Variants in ADAMTS20 observed in about 807,000 individuals in gnomAD.
ADAMTS20 encodes ADAM metallopeptidase with thrombospondin type 1 motif 20.
Under a neutral mutation model 260.1 loss-of-function variants are expected in ADAMTS20, and 225 were observed. The ratio of observed to expected loss-of-function variants is 0.87; its 90% CI spans 0.78 to 0.97. The LOEUF is 0.97. ADAMTS20 is among the 50% of genes least tolerant of loss of function. ADAMTS20 has a pLI of 0.00. For missense variants in ADAMTS20, 2,400 were observed against 2,337.7 expected (o/e 1.03, Z -0.55); for synonymous variants, 802 against 769.5 (o/e 1.04, Z -0.70).
intron 28 of ADAMTS20, among the ~76,000 whole-genome samples, chr12:43,414,983 A>G (rs1418277895): frequency 6.6e-6 from 1 of 152,214 alleles, no homozygotes. Context: ...ATCTATTCAT[A>G]GAAGTCATAC....
At chr12:43,379,262 C>T (rs550579966) in intron 31 of ADAMTS20, among the ~76,000 whole-genome samples, 40 of 152,238 alleles carry the variant, frequency 2.6e-4, no homozygotes, top group Admixed American at 1.4e-3. Context: ...TTTGCAGTTT[C>T]CAGGATGCTG....
rs1211545430 is a variant in ADAMTS20 at position 43,439,654 on chromosome 12, C to T, written c.2561G>A (p.Gly854Glu). 2.5e-6 allele frequency: 4 copies of T among 1,613,248 alleles called. No individual in the cohort carries two copies. In the South Asian group the frequency reaches 3.3e-5, roughly 13 times the overall value. Residue 854 changes from glycine to glutamate, a missense_variant, in exon 18 of 39, where the codon GGA (glycine) becomes GAA (glutamate). Physicochemically the swap from Gly to Glu is moderately conservative, Grantham distance 98. Coordinates refer to ENST00000389420, the MANE Select transcript of ADAMTS20 (RefSeq NM_025003.5). ...RSDMFTWDPY[G>E]PWEGCTKMCQ... The stretch of plus-strand genomic sequence containing the variant: ...CATTTTGGTACAGCCTTCCCATGGT[C>T]CATAGGGGTCCCATGTGAACATGTC...
At chr12:43,353,020 A>G (rs1167492562), downstream of ADAMTS20, among the ~76,000 whole-genome samples, 3 of 152,154 alleles carry the variant, frequency 2.0e-5, no homozygotes, top group Non-Finnish European at 4.4e-5. Flanking sequence ...GTGGGTAAAA[A>G]AAGTACACTA....
chr12:43,368,036 G>A (rs1200919662), intron 37 of ADAMTS20, among the ~76,000 whole-genome samples: 1 of 151,902 alleles, frequency 6.6e-6, no homozygotes, highest in Non-Finnish European at 1.5e-5. Flanking sequence ...TGTAAAGATC[G>A]TTACCATTGT....
At chr12:43,416,825 C>G (rs1941141893) in intron 28 of ADAMTS20, among the ~76,000 whole-genome samples, 1 of 152,120 alleles carries the variant, frequency 6.6e-6, no homozygotes, top group African/African-American at 2.4e-5. Flanking sequence ...CCCGGCCAAA[C>G]TGAACTACTT....
At chr12:43,407,259 T>C (rs1244608012) in intron 28 of ADAMTS20, among the ~76,000 whole-genome samples, 3 of 151,740 alleles carry the variant, frequency 2.0e-5, no homozygotes, top group Non-Finnish European at 4.4e-5. Context: ...GACTCTCAAC[T>C]TAAAGGAAAA....
chr12:43,395,474 TTTC>T (rs1365829814), intron 29 of ADAMTS20, among the ~76,000 whole-genome samples: 1 of 152,074 alleles, frequency 6.6e-6, no homozygotes, highest in Non-Finnish European at 1.5e-5. Context: ...ATACAGTTTC[TTTC>T]TTTTCTTTTT....
chr12:43,532,361 C>T (rs1678546914), intron 2 of ADAMTS20, among the ~76,000 whole-genome samples, 166 bp from the exon 3 acceptor site: 1 of 152,102 alleles, frequency 6.6e-6, no homozygotes, highest in South Asian at 2.1e-4. Flanking sequence ...GGTCACTTTT[C>T]TCTCTCCACT....
intron 3 of ADAMTS20, among the ~76,000 whole-genome samples, chr12:43,521,058 T>C (rs1943065248): frequency 6.6e-6 from 1 of 152,256 alleles, no homozygotes; most frequent in East Asian, 1.9e-4. Context: ...TCATGATACC[T>C]CACCTTACTC....
chr12:43,425,708 A>G lies in ADAMTS20; in HGVS notation c.4108-18T>C. 1 of 1,546,084 alleles carries G rather than the reference A, an allele frequency of 6.5e-7. No individual in the cohort carries two copies. Among genetic ancestry groups the G allele is most frequent in the Non-Finnish European group, 8.8e-7 (1 of 1,137,670 alleles). On this transcript the variant is annotated intron_variant, in intron 27 of 38. Coordinates refer to ENST00000389420, the MANE Select transcript of ADAMTS20 (RefSeq NM_025003.5). ...TGTGAACACTAAAAACAAGAATAGG[A>G]AAATTCAAAACTGTGGTTTTAAAGA... is the stretch of plus-strand genomic sequence containing the variant.
At position 43,464,642 on chromosome 12, in the gene ADAMTS20, G is replaced by A. The variant is rs1942121807; in HGVS notation, c.1458C>T (p.Asn486=). The change falls in exon 10 of 39, where the codon AAC becomes AAT. Residue 486 remains asparagine (N), a synonymous_variant. Coordinates refer to ENST00000389420, the MANE Select transcript of ADAMTS20 (RefSeq NM_025003.5). The part of the protein sequence containing the change: ...SELPGSRYDG[N]KQCELAFGPG... Reference sequence around the variant, plus strand: ...GACCAAACGCAAGCTCACACTGCTTGTTTCCATCATATCGTGATCCAGGAA... The same window carrying A: ...GACCAAACGCAAGCTCACACTGCTTATTTCCATCATATCGTGATCCAGGAA... 1 of 1,613,406 alleles carries A rather than the reference G, an allele frequency of 6.2e-7. No homozygotes were observed. The highest frequency in any genetic ancestry group is 2.2e-5 in the East Asian group (1 of 44,850).
chr12:43,457,344 C>A (rs1247524880), intron 11 of ADAMTS20, among the ~76,000 whole-genome samples: 2 of 151,974 alleles, frequency 1.3e-5, no homozygotes, highest in Non-Finnish European at 2.9e-5. Context: ...TAGTCCAGAT[C>A]TCTCTCTTAA....
intron 11 of ADAMTS20, among the ~76,000 whole-genome samples, chr12:43,456,666 G>T (rs1488679751): frequency 6.6e-6 from 1 of 152,150 alleles, no homozygotes; most frequent in Non-Finnish European, 1.5e-5. Flanking sequence ...AGCACACCTG[G>T]ACAGGGCAGG....
intron 16 of ADAMTS20, among the ~76,000 whole-genome samples, chr12:43,442,974 A>G (rs1941695702): frequency 6.6e-6 from 1 of 152,210 alleles, no homozygotes; most frequent in South Asian, 2.1e-4. Flanking sequence ...TTGGCTTTAT[A>G]GTTCCAAATG....
intron 7 of ADAMTS20, among the ~76,000 whole-genome samples, chr12:43,483,242 C>A (rs927147844): frequency 6.6e-6 from 1 of 152,118 alleles, no homozygotes; most frequent in African/African-American, 2.4e-5. Flanking sequence ...AAAGAAGCAG[C>A]AAGATTCACG....
chr12:43,524,128 A>G (rs1281922097), intron 3 of ADAMTS20, among the ~76,000 whole-genome samples: 1 of 151,838 alleles, frequency 6.6e-6, no homozygotes, highest in Non-Finnish European at 1.5e-5. Context: ...TGCAGCAATC[A>G]CAATATTCTG....
At chr12:43,415,250 A>G (rs1177133872) in intron 28 of ADAMTS20, among the ~76,000 whole-genome samples, 1 of 151,864 alleles carries the variant, frequency 6.6e-6, no homozygotes, top group Non-Finnish European at 1.5e-5. Context: ...TGCTGATGTT[A>G]TTGGTTTGAG....
rs145411845 is a variant in ADAMTS20 at position 43,498,380 on chromosome 12, G to A, written c.867+3772C>T. 2.5e-3 allele frequency among the ~76,000 whole-genome samples: 384 copies of A among 152,302 alleles called. 2 individuals are homozygous for A. The highest frequency in any genetic ancestry group is 0.014 in the Middle Eastern group (4 of 294). ...AGTAAGGATAGATAATCCAAGTTGT[G>A]TATATAATCCATTTGCTCAATCCTG... On this transcript the variant is annotated intron_variant, in intron 4 of 38. Transcript: ENST00000389420.
At chr12:43,462,373 T>C (rs1942078417) in intron 11 of ADAMTS20, among the ~76,000 whole-genome samples, 1 of 152,224 alleles carries the variant, frequency 6.6e-6, no homozygotes, top group Admixed American at 6.5e-5. Context: ...CAACATCATG[T>C]TGACAGCTTT....
Sources: allele counts gnomAD v4.1 joint callset (sites outside exome capture counted in the v4.1 genomes callset), GRCh38; gene constraint gnomAD v4.1.1; transcripts MANE v1.5; gene names NCBI Gene and HGNC (gene_info 2026-07-23, HGNC 2026-07-21).